The following STAC variants were observed in gnomAD, a reference collection of about 807,000 sequenced individuals.
STAC encodes SH3 and cysteine-rich domain-containing protein.
A neutral mutation model predicts 48.8 loss-of-function variants in STAC; 43 were observed. That is an observed-to-expected ratio of 0.88 (90% CI 0.69 to 1.14). STAC has a LOEUF of 1.14. Ranked by LOEUF, STAC falls within the 50% of genes most tolerant of loss-of-function variation. The pLI, the probability that STAC is intolerant of heterozygous loss-of-function variation, is 0.00. For synonymous variants in STAC, 193 were observed against 179.5 expected (o/e 1.07, Z -0.60); for missense variants, 497 against 504.0 (o/e 0.99, Z 0.13).
chr3:36,463,195 A>G (rs1697067333), intron 2 of STAC, among the ~76,000 whole-genome samples: 1 of 152,140 alleles, frequency 6.6e-6, no homozygotes, highest in Non-Finnish European at 1.5e-5. Context: ...TTTTTGTTAT[A>G]TTGTGCAACT....
At chr3:36,469,932 T>A (rs1697282640) in intron 2 of STAC, among the ~76,000 whole-genome samples, 1 of 152,348 alleles carries the variant, frequency 6.6e-6, no homozygotes, top group Non-Finnish European at 1.5e-5. Context: ...TTGTTTTTCA[T>A]TTATGCTACC....
chr3:36,488,087 T>C (rs892743950), intron 5 of STAC, among the ~76,000 whole-genome samples: 2 of 152,212 alleles, frequency 1.3e-5, no homozygotes, highest in African/African-American at 2.4e-5. Flanking sequence ...TACTGTTCTA[T>C]ATTTTAATTC....
At chr3:36,501,730 A>G (rs994771231) in intron 6 of STAC, among the ~76,000 whole-genome samples, 5 of 152,166 alleles carry the variant, frequency 3.3e-5, no homozygotes, top group African/African-American at 1.2e-4. Flanking sequence ...GGAAGAGAAA[A>G]TTTTCAGATT....
chr3:36,450,396 C>T (rs1476911579), intron 2 of STAC, among the ~76,000 whole-genome samples: 1 of 152,242 alleles, frequency 6.6e-6, no homozygotes, highest in African/African-American at 2.4e-5. Flanking sequence ...GGCAGCCTGA[C>T]ACAGATACCC....
intron 2 of STAC, among the ~76,000 whole-genome samples, chr3:36,454,421 C>T (rs995074317): frequency 6.6e-6 from 1 of 152,028 alleles, no homozygotes; most frequent in Non-Finnish European, 1.5e-5. Context: ...GAAGAAACTC[C>T]GAACACATCC....
At chr3:36,482,307 T>C (rs566584577) in intron 2 of STAC, among the ~76,000 whole-genome samples, 5 of 152,332 alleles carry the variant, frequency 3.3e-5, no homozygotes, top group Non-Finnish European at 7.4e-5. Context: ...TCCTCTCCAG[T>C]GCTCCTGCCT....
chr3:36,477,251 A>C (rs1338948683), intron 2 of STAC, among the ~76,000 whole-genome samples: 2 of 152,214 alleles, frequency 1.3e-5, no homozygotes, highest in African/African-American at 4.8e-5. Flanking sequence ...TGATCTAAGT[A>C]CTGTACTGAT....
intron 1 of STAC, among the ~76,000 whole-genome samples, chr3:36,423,972 G>A (rs1700506313): frequency 6.6e-6 from 1 of 152,022 alleles, no homozygotes; most frequent in Admixed American, 6.6e-5. Context: ...TCACAAGACT[G>A]AGTTTAATGC....
intron 2 of STAC, among the ~76,000 whole-genome samples, chr3:36,454,922 C>G (rs943002325): frequency 3.3e-5 from 5 of 152,128 alleles, no homozygotes; most frequent in African/African-American, 9.7e-5. Flanking sequence ...ATTTCTTGAA[C>G]CACTGTGTAG....
intron 1 of STAC, among the ~76,000 whole-genome samples, chr3:36,436,504 C>T (rs557679511): frequency 4.6e-5 from 7 of 152,332 alleles, no homozygotes; most frequent in African/African-American, 1.7e-4. Flanking sequence ...GCACCGACCT[C>T]CCAGTGCTTC....
chr3:36,446,919 A>G (rs1696523028), intron 2 of STAC, among the ~76,000 whole-genome samples: 2 of 152,232 alleles, frequency 1.3e-5, no homozygotes. Context: ...ATTCACTTCC[A>G]TAACGGCATC....
intron 2 of STAC, among the ~76,000 whole-genome samples, chr3:36,463,385 G>A (rs1470535613): frequency 6.6e-6 from 1 of 151,920 alleles, no homozygotes; most frequent in African/African-American, 2.4e-5. Flanking sequence ...ATTGGAGCCG[G>A]GCTTTGAATC....
chr3:36,501,634 T>C (rs1233765353), intron 6 of STAC, among the ~76,000 whole-genome samples: 3 of 152,210 alleles, frequency 2.0e-5, no homozygotes, highest in Non-Finnish European at 4.4e-5. Context: ...ATAATATTTA[T>C]AGAAGCTGAA....
chr3:36,469,873 C>T (rs1400512776), intron 2 of STAC, among the ~76,000 whole-genome samples: 1 of 152,002 alleles, frequency 6.6e-6, no homozygotes, highest in Non-Finnish European at 1.5e-5. Context: ...CAAGACTTTC[C>T]AGTGCATTTT....
chr3:36,500,848 T>C (rs1376165148), intron 6 of STAC, among the ~76,000 whole-genome samples: 1 of 152,186 alleles, frequency 6.6e-6, no homozygotes, highest in African/African-American at 2.4e-5. Flanking sequence ...CCCAGCACTT[T>C]GGGAGGCCAA....
At chr3:36,496,928 C>A (rs1463383566) in intron 6 of STAC, among the ~76,000 whole-genome samples, 1 of 152,016 alleles carries the variant, frequency 6.6e-6, no homozygotes, top group Non-Finnish European at 1.5e-5. Context: ...ATACAAATTC[C>A]TAGAATTTTC....
intron 1 of STAC, among the ~76,000 whole-genome samples, chr3:36,400,261 A>G (rs994902970): frequency 6.6e-6 from 1 of 152,250 alleles, no homozygotes; most frequent in African/African-American, 2.4e-5. Flanking sequence ...ATAGAAATAT[A>G]TAAATAGACA....
chr3:36,490,294 G>A (rs1338821244), intron 5 of STAC, among the ~76,000 whole-genome samples: 3 of 152,158 alleles, frequency 2.0e-5, no homozygotes, highest in African/African-American at 4.8e-5. Flanking sequence ...GGCCATTGCT[G>A]TCAATGAGTT....
intron 10 of STAC, among the ~76,000 whole-genome samples, chr3:36,538,212 A>G (rs753172707): frequency 3.9e-5 from 6 of 152,154 alleles, no homozygotes; most frequent in Admixed American, 2.0e-4. Flanking sequence ...AGGTTTTAAG[A>G]AAGTTTTATT....
Sources: gnomAD v4.1 joint callset for allele counts (sites outside exome capture counted in the v4.1 genomes callset) on GRCh38, gnomAD v4.1.1 for gene constraint, MANE v1.5 for transcripts, NCBI Gene and HGNC (gene_info 2026-07-23, HGNC 2026-07-21) for gene names.